The following SNN variants were observed in gnomAD, a reference collection of about 807,000 sequenced individuals.
SNN encodes AG8_1.
A neutral mutation model predicts 5.3 loss-of-function variants in SNN; 5 were observed. The ratio of observed to expected loss-of-function variants is 0.94; its 90% CI spans 0.49 to 1.97. The LOEUF (loss-of-function observed/expected upper bound fraction) is 1.97. Among genes scored for constraint, SNN ranks in the 30% most tolerant of loss-of-function variants. The pLI, the probability that SNN is intolerant of heterozygous loss-of-function variation, is 0.01. For synonymous variants in SNN, 67 were observed against 52.1 expected, an observed-to-expected ratio of 1.29 and a Z score of -1.24; for missense variants, 127 against 121.6, an observed-to-expected ratio of 1.04 and a Z score of -0.21.
intron 1 of SNN, among the ~76,000 whole-genome samples, chr16:11,670,150 G>A (rs918670222): frequency 6.6e-6 from 1 of 152,146 alleles, no homozygotes; most frequent in African/African-American, 2.4e-5. Flanking sequence ...ACCTGGGGCA[G>A]GAAACGTTTC....
chr16:11,678,505 G>A lies in SNN; in HGVS notation c.*2179G>A, dbSNP rs2050327498. The A allele has an allele frequency of 6.0e-6, 1 of 167,086 alleles. No individual in the cohort carries two copies. The highest frequency in any genetic ancestry group is 2.4e-5 in the African/African-American group (1 of 41,420). 10.4% of individuals were successfully genotyped at this position (167,086 alleles called of 1,614,324 possible). On this transcript the variant is annotated 3_prime_UTR_variant, in exon 2 of 2. Coordinates refer to ENST00000329565, the MANE Select transcript of SNN (RefSeq NM_003498.6). ...AGCCTTGGCCTGGGGTTTTGACCTT[G>A]CCAGTGAAGTTTCGGTTTTGAAGTG...
chr16:11,679,149 C>G lies in SNN; in HGVS notation c.*2823C>G. The stretch of plus-strand genomic sequence containing the variant: ...CAATAAAATTTGCATAAATATATTC[C>G]CAATGTACAATTTTCACCTCTGATT... On this transcript the variant is annotated 3_prime_UTR_variant, in exon 2 of 2. Coordinates refer to ENST00000329565, the MANE Select transcript of SNN (RefSeq NM_003498.6). The surrounding 1 kb of genome is among the most constrained non-coding windows in gnomAD (Gnocchi z 4.6). 1 of 1,574,348 alleles carries G rather than the reference C, an allele frequency of 6.4e-7. No homozygotes were observed.
intron 1 of SNN, among the ~76,000 whole-genome samples, chr16:11,670,877 A>T (rs1445512451): frequency 6.6e-6 from 1 of 152,172 alleles, no homozygotes; most frequent in Non-Finnish European, 1.5e-5. Context: ...CCTCTCTGGT[A>T]GCTGGGGCAG....
rs957595429 is a variant in SNN at position 11,671,413 on chromosome 16, C to T, written c.-86+2873C>T. Reference sequence around the variant, plus strand: ...GGAAGGCCCAGGCTGTGCTCTGGGTCCTGGCCCCTCTGCACTTGGAAGACC... The same window carrying T: ...GGAAGGCCCAGGCTGTGCTCTGGGTTCTGGCCCCTCTGCACTTGGAAGACC... On this transcript the variant is annotated intron_variant, in intron 1 of 1. Transcript: ENST00000329565. The surrounding 1 kb of genome is among the most constrained non-coding windows in gnomAD (Gnocchi z 4.7). 6.6e-6 allele frequency among the ~76,000 whole-genome samples: 1 copy of T among 152,160 alleles called. No homozygotes were observed. Among genetic ancestry groups the T allele is most frequent in the African/African-American group, 2.4e-5 (1 of 41,440 alleles).
chr16:11,676,473 G>GCCAGGTC lies in SNN; in HGVS notation c.*149_*150insAGGTCCC. ...GGGCTTCGTCATCGCATGCACTGAT[G>GCCAGGTC]CCCGGGGACCTGGCTGTCCTGGGCT... is the stretch of plus-strand genomic sequence containing the variant. On this transcript the variant is annotated 3_prime_UTR_variant, in exon 2 of 2. Coordinates refer to ENST00000329565, the MANE Select transcript of SNN (RefSeq NM_003498.6). The GCCAGGTC allele has an allele frequency of 9.8e-7, 1 of 1,017,994 alleles. No individual in the cohort carries two copies. The highest frequency in any genetic ancestry group is 1.4e-6 in the Non-Finnish European group (1 of 703,400). The allele number at this position is 1,017,994 out of a possible 1,614,324, so 63.1% of individuals were successfully genotyped here.
In SNN at chr16:11,668,818, C is replaced by G. The variant is rs2050245607; in HGVS notation, c.-86+278C>G. On this transcript the variant is annotated intron_variant, in intron 1 of 1. Coordinates refer to ENST00000329565, the MANE Select transcript of SNN (RefSeq NM_003498.6). This position sits in a 1 kb window ranked among gnomAD's most constrained non-coding sequence, Gnocchi z 6.8. ...AGGCCGCTTTGTGGGGATCGCGGGGCGCTCGCCCCCGCCCGTGCAGCCCCC... is the reference window on the plus strand; with the variant it reads ...AGGCCGCTTTGTGGGGATCGCGGGGGGCTCGCCCCCGCCCGTGCAGCCCCC... 6.6e-6 allele frequency among the ~76,000 whole-genome samples: 1 copy of G among 151,100 alleles called. No individual in the cohort carries two copies. Among genetic ancestry groups the G allele is most frequent in the Non-Finnish European group, 1.5e-5 (1 of 67,552 alleles).
At chr16:11,673,725 G>A (rs1481394356) in intron 1 of SNN, among the ~76,000 whole-genome samples, 2 of 152,352 alleles carry the variant, frequency 1.3e-5, no homozygotes, top group East Asian at 1.9e-4. Context: ...CAACTGCCTG[G>A]GCCAGGGCCT....
At chr16:11,675,348 A>G (rs1422531782) in intron 1 of SNN, among the ~76,000 whole-genome samples, 1 of 142,516 alleles carries the variant, frequency 7.0e-6, no homozygotes, top group African/African-American at 2.6e-5. Context: ...GCTCACTGCA[A>G]CCTCTGCCCC....
Position 11,676,067 on chromosome 16 carries a change from T to C in SNN, c.8T>C (p.Ile3Thr). The stretch of plus-strand genomic sequence containing the variant: ...AAGCCCCCAGCACTGACCATGTCTA[T>C]TATGGACCACAGCCCCACCACGGGC... MS[I>T]MDHSPTTGVV... Residue 3 changes from isoleucine to threonine, a missense_variant, in exon 2 of 2, where the codon ATT becomes ACT. By Grantham distance (89) the Ile-to-Thr change is moderately conservative. Coordinates refer to ENST00000329565, the MANE Select transcript of SNN (RefSeq NM_003498.6). 6.2e-7 allele frequency: 1 copy of C among 1,604,454 alleles called. No homozygotes were observed. The highest frequency in any genetic ancestry group is 8.5e-7 in the Non-Finnish European group (1 of 1,174,048).
Position 11,676,003 on chromosome 16 carries a change from C to T in SNN, c.-57C>T, listed in dbSNP as rs1597389692. 4.2e-5 allele frequency: 64 copies of T among 1,526,602 alleles called. No homozygotes were observed. The highest frequency in any genetic ancestry group is 5.2e-5 in the Non-Finnish European group (59 of 1,136,524). 94.6% of individuals were successfully genotyped at this position (1,526,602 alleles called of 1,614,324 possible). On this transcript the variant is annotated 5_prime_UTR_variant, in exon 2 of 2. Coordinates refer to ENST00000329565, the MANE Select transcript of SNN (RefSeq NM_003498.6). ...TCCCGTGTCCAGCCTGAGTTCCAGC[C>T]TCACTGAGTGGCCACCCCCAAAGTG...
rs772646504 is a variant in SNN, at chr16:11,676,001, G to A, written c.-59G>A. 3 of 1,524,274 alleles carry A rather than the reference G, an allele frequency of 2.0e-6. No homozygotes were observed. The highest frequency in any genetic ancestry group is 2.6e-6 in the Non-Finnish European group (3 of 1,135,320). 94.4% of individuals were successfully genotyped at this position (1,524,274 alleles called of 1,614,324 possible). ...ACTCCCGTGTCCAGCCTGAGTTCCA[G>A]CCTCACTGAGTGGCCACCCCCAAAG... On this transcript the variant is annotated 5_prime_UTR_variant, in exon 2 of 2. Coordinates refer to ENST00000329565, the MANE Select transcript of SNN (RefSeq NM_003498.6).
chr16:11,676,117 A>C lies in SNN; in HGVS notation c.58A>C (p.Ile20Leu). The C allele has an allele frequency of 6.2e-7, 1 of 1,614,036 alleles. No individual in the cohort carries two copies. Among genetic ancestry groups the C allele is most frequent in the Admixed American group, 1.7e-5 (1 of 60,036 alleles). The change falls in exon 2 of 2, where the codon ATT becomes CTT. Residue 20 changes from isoleucine to leucine, a missense_variant. Coordinates refer to ENST00000329565, the MANE Select transcript of SNN (RefSeq NM_003498.6). ...CGTGGTCACAGTCATCGTCATCCTC[A>C]TTGCCATCGCGGCCCTGGGGGCCTT... ...TGVVTVIVILIAIAALGALIL... is the reference protein window; with the variant it reads ...TGVVTVIVILLAIAALGALIL...
chr16:11,669,582 G>A (rs2050253112), intron 1 of SNN, among the ~76,000 whole-genome samples: 1 of 152,252 alleles, frequency 6.6e-6, no homozygotes. Flanking sequence ...CAACTGCCCT[G>A]TTGTCTTGAG....
rs1052407578 is a variant in SNN at position 11,678,902 on chromosome 16, G to A, written c.*2576G>A. On this transcript the variant is annotated 3_prime_UTR_variant, in exon 2 of 2. Coordinates refer to ENST00000329565, the MANE Select transcript of SNN (RefSeq NM_003498.6). ...ATTCATCCTTCGTATCACTGCAGAAGCAACAGTGGGGGCACAGGGAGGGAA... is the reference window on the plus strand; with the variant it reads ...ATTCATCCTTCGTATCACTGCAGAAACAACAGTGGGGGCACAGGGAGGGAA... 5.1e-6 allele frequency: 2 copies of A among 391,388 alleles called. No homozygotes were observed. Among genetic ancestry groups the A allele is most frequent in the Non-Finnish European group, 9.6e-6 (2 of 207,996 alleles). 24.2% of individuals were successfully genotyped at this position (391,388 alleles called of 1,614,324 possible).
In SNN at chr16:11,671,366, A is replaced by T. The variant is rs572994437; in HGVS notation, c.-86+2826A>T. ...GGGCTTCAAATGCCAGGCAGAGGGG[A>T]CACTCCAGCCTGCCCAGAGATGGAA... On this transcript the variant is annotated intron_variant, in intron 1 of 1. Coordinates refer to ENST00000329565, the MANE Select transcript of SNN (RefSeq NM_003498.6). This position sits in a 1 kb window ranked among gnomAD's most constrained non-coding sequence, Gnocchi z 4.7. Among the ~76,000 whole-genome samples the T allele has an allele frequency of 1.5e-4, 23 of 151,776 alleles. No individual in the cohort carries two copies. Among genetic ancestry groups the T allele is most frequent in the African/African-American group, 5.3e-4 (22 of 41,350 alleles).
rs1270107239 is a variant in SNN at position 11,676,240 on chromosome 16, C to T, written c.181C>T (p.Leu61=). ...GGATGGGGAGACCAAGGAACCCTTC[C>T]TGCTGGTGCAGTATTCGGCCAAGGG... ...VGDGETKEPF[L]LVQYSAKGPC... The change falls in exon 2 of 2, where the codon CTG becomes TTG. Residue 61 remains leucine (L), a synonymous_variant. Coordinates refer to ENST00000329565, the MANE Select transcript of SNN (RefSeq NM_003498.6). The T allele has an allele frequency of 6.2e-7, 1 of 1,614,216 alleles. No individual in the cohort carries two copies. Among genetic ancestry groups the T allele is most frequent in the South Asian group, 1.1e-5 (1 of 91,090 alleles).
chr16:11,670,994 C>T (rs2050262879), intron 1 of SNN, among the ~76,000 whole-genome samples: 1 of 152,238 alleles, frequency 6.6e-6, no homozygotes, highest in Non-Finnish European at 1.5e-5. Flanking sequence ...GCAAACCCGG[C>T]AGGACAGTGT....
intron 1 of SNN, among the ~76,000 whole-genome samples, chr16:11,669,463 G>T (rs1037887523): frequency 6.6e-6 from 1 of 152,228 alleles, no homozygotes; most frequent in Non-Finnish European, 1.5e-5. Flanking sequence ...CAGGTTGCCT[G>T]GGTTTGAATC....
intron 1 of SNN, among the ~76,000 whole-genome samples, chr16:11,670,785 C>G (rs1198769259): frequency 2.0e-5 from 3 of 152,206 alleles, no homozygotes; most frequent in African/African-American, 4.8e-5. Context: ...GCCTAGAGCA[C>G]ATGGAGTGGC....
Sources: allele counts gnomAD v4.1 joint callset (sites outside exome capture counted in the v4.1 genomes callset), GRCh38; gene constraint gnomAD v4.1.1; non-coding constraint Gnocchi (gnomAD v3.1); transcripts MANE v1.5; gene names NCBI Gene and HGNC (gene_info 2026-07-23, HGNC 2026-07-21).